ERICH3: variants seen among roughly 807,000 people sequenced by gnomAD.
ERICH3 encodes the protein glutamate rich 3, also known as glutamate-rich protein 3.
ERICH3 carries 126 observed loss-of-function variants against 131.1 expected under a neutral mutation model. That is an observed-to-expected ratio of 0.96 (90% CI 0.83 to 1.11). The LOEUF is 1.11. Ranked by LOEUF, ERICH3 falls within the 50% of genes most tolerant of loss-of-function variation. The pLI is 0.00. For synonymous variants in ERICH3, 695 were observed against 644.6 expected, an observed-to-expected ratio of 1.08 and a Z score of -1.18; for missense variants, 2,050 against 1,810.7, an observed-to-expected ratio of 1.13 and a Z score of -2.40.
intron 13 of ERICH3, among the ~76,000 whole-genome samples, chr1:74,575,925 C>CAT (rs11376844): frequency 2.0e-5 from 3 of 151,972 alleles, no homozygotes; most frequent in East Asian, 1.9e-4. Context: ...AAAAACATGA[C>CAT]TTTTTTTTAT....
At chr1:74,650,557 T>C (rs1470177772) in intron 1 of ERICH3, among the ~76,000 whole-genome samples, 1 of 152,064 alleles carries the variant, frequency 6.6e-6, no homozygotes, top group Admixed American at 6.6e-5. Context: ...ATCCTATGTA[T>C]ACTAGGTTTT....
chr1:74,641,712 A>T (rs1046922785), intron 4 of ERICH3, among the ~76,000 whole-genome samples: 1 of 152,066 alleles, frequency 6.6e-6, no homozygotes, highest in African/African-American at 2.4e-5. Context: ...CTTCAAGCAG[A>T]TCACTACAAA....
chr1:74,602,172 C>T (rs1490064476), intron 10 of ERICH3, among the ~76,000 whole-genome samples: 1 of 151,858 alleles, frequency 6.6e-6, no homozygotes, highest in Non-Finnish European at 1.5e-5. Context: ...TGAAGGAACA[C>T]GAAGTGAACC....
chr1:74,621,157 G>C (rs1649203450), intron 7 of ERICH3, among the ~76,000 whole-genome samples: 1 of 152,068 alleles, frequency 6.6e-6, no homozygotes, highest in African/African-American at 2.4e-5. Flanking sequence ...GATTTGGATA[G>C]AGTTTGTCAT....
intron 1 of ERICH3, among the ~76,000 whole-genome samples, chr1:74,650,811 A>G (rs1264102248): frequency 6.6e-6 from 1 of 151,692 alleles, no homozygotes; most frequent in Non-Finnish European, 1.5e-5. Context: ...ACCGGAAGTG[A>G]AATCACGGAT....
At chr1:74,637,955 C>A (rs1319260784) in intron 5 of ERICH3, among the ~76,000 whole-genome samples, 1 of 151,636 alleles carries the variant, frequency 6.6e-6, no homozygotes, top group African/African-American at 2.4e-5. Context: ...TAGAATACAT[C>A]AGACTTTTGA....
chr1:74,617,818 A>G (rs923780823), intron 8 of ERICH3, among the ~76,000 whole-genome samples: 1 of 152,214 alleles, frequency 6.6e-6, no homozygotes, highest in Non-Finnish European at 1.5e-5. Context: ...ATATGCTTAC[A>G]ATGAATAAAT....
chr1:74,627,513 CATTT>C (rs1649458277), intron 7 of ERICH3, among the ~76,000 whole-genome samples: 1 of 152,092 alleles, frequency 6.6e-6, no homozygotes. Flanking sequence ...GGACTAAACT[CATTT>C]ATTAATAGAA....
In ERICH3 at chr1:74,673,488, G is replaced by A. The variant is rs1196298254; in HGVS notation, c.23+9C>T. 23 of 1,612,684 alleles carry A rather than the reference G, an allele frequency of 1.4e-5. No homozygotes were observed. The highest frequency in any genetic ancestry group is 1.9e-5 in the Non-Finnish European group (23 of 1,179,606). ...GCCACAGCGTGGAAAAGCTCCAGTT[G>A]TCACTTACCCAGCGGGGTGAGAATG... is the stretch of plus-strand genomic sequence containing the variant. On this transcript the variant is annotated intron_variant, in intron 1 of 14. Transcript: ENST00000326665.
chr1:74,590,860 C>T (rs527542109), intron 11 of ERICH3, among the ~76,000 whole-genome samples: 2 of 152,264 alleles, frequency 1.3e-5, no homozygotes, highest in Admixed American at 1.3e-4. Flanking sequence ...TCAACCATCC[C>T]TGTTTTTTTG....
chr1:74,666,361 T>A (rs1646692859), intron 1 of ERICH3, among the ~76,000 whole-genome samples: 1 of 152,212 alleles, frequency 6.6e-6, no homozygotes, highest in African/African-American at 2.4e-5. Flanking sequence ...TCTTCACTTT[T>A]AAAGTATGCT....
At chr1:74,586,689 T>A (rs908224661) in intron 12 of ERICH3, among the ~76,000 whole-genome samples, 1 of 151,860 alleles carries the variant, frequency 6.6e-6, no homozygotes, top group African/African-American at 2.4e-5. Flanking sequence ...TAAGAAAAAA[T>A]ATAAATGTCC....
At position 74,612,713 on chromosome 1, in the gene ERICH3, C is replaced by A. The variant is rs1031572325; in HGVS notation, c.1097G>T (p.Cys366Phe). Residue 366 changes from cysteine (C) to phenylalanine (F), a missense_variant, in exon 9 of 15, where the codon TGT (cysteine) becomes TTT (phenylalanine). Transcript: ENST00000326665. ...GMQVNRLSSC[C>F]EYKHRKGSRL... ...GGAACCTTTCCGATGCTTGTATTCA[C>A]AACAGGAGCTTAACCTGTTCACCTG... The A allele has an allele frequency of 5.0e-6, 8 of 1,607,260 alleles. No homozygotes were observed. The highest frequency in any genetic ancestry group is 6.0e-6 in the Non-Finnish European group (7 of 1,174,878).
At chr1:74,631,205 A>G (rs374927696) in intron 7 of ERICH3, among the ~76,000 whole-genome samples, 1 of 152,134 alleles carries the variant, frequency 6.6e-6, no homozygotes, top group East Asian at 1.9e-4. Context: ...TATAAAGTCC[A>G]ACAGGCCTTA....
rs768082577 is a variant in ERICH3 at position 74,641,330 on chromosome 1, C to A, written c.444+1G>T. 9 of 1,611,744 alleles carry A rather than the reference C, an allele frequency of 5.6e-6. No individual in the cohort carries two copies. In the Admixed American group the frequency reaches 6.7e-5, roughly 12 times the overall value. On this transcript the variant is annotated splice_donor_variant, in intron 5 of 14. Coordinates refer to ENST00000326665, the MANE Select transcript of ERICH3 (RefSeq NM_001002912.5). LOFTEE classifies it high-confidence loss of function. ...ATGACGAAGTGTTTAATATTACTCA[C>A]CAGTGCTAACGGACTGGAATGTCCT... is the stretch of plus-strand genomic sequence containing the variant.
In ERICH3 at chr1:74,583,598, C is replaced by T. The variant is rs556642179; in HGVS notation, c.2176+6033G>A. The stretch of plus-strand genomic sequence containing the variant: ...TCAGATAAGCAGGTCAACTGTGCTA[C>T]GTATTTTCTAGCCAATAGTGTCTGA... On this transcript the variant is annotated intron_variant, in intron 12 of 14. Coordinates refer to ENST00000326665, the MANE Select transcript of ERICH3 (RefSeq NM_001002912.5). Among the ~76,000 whole-genome samples the T allele has an allele frequency of 2.2e-3, 342 of 152,072 alleles. 2 individuals are homozygous for T. The highest frequency in any genetic ancestry group is 7.9e-3 in the African/African-American group (329 of 41,470).
At chr1:74,667,094 A>AT (rs1570923480) in intron 1 of ERICH3, among the ~76,000 whole-genome samples, 3 of 142,436 alleles carry the variant, frequency 2.1e-5, no homozygotes, top group East Asian at 4.2e-4. Flanking sequence ...GTTTACCTTA[A>AT]ATTTTTTTTA....
At chr1:74,593,947 G>A (rs1647724785) in intron 11 of ERICH3, among the ~76,000 whole-genome samples, 1 of 152,094 alleles carries the variant, frequency 6.6e-6, no homozygotes, top group African/African-American at 2.4e-5. Context: ...CCTCTTAGCT[G>A]ACTTTTCACT....
At chr1:74,614,174 T>C (rs920767979) in intron 8 of ERICH3, among the ~76,000 whole-genome samples, 13 of 152,162 alleles carry the variant, frequency 8.5e-5, no homozygotes. Flanking sequence ...AGGGACTGCC[T>C]TCTAAGAACT....
Sources: allele counts gnomAD v4.1 joint callset (sites outside exome capture counted in the v4.1 genomes callset), GRCh38; gene constraint gnomAD v4.1.1; transcripts MANE v1.5; gene names NCBI Gene and HGNC (gene_info 2026-07-23, HGNC 2026-07-21).